The following TTC28 variants were observed in gnomAD, a reference collection of about 807,000 sequenced individuals.
TTC28 encodes tetratricopeptide repeat domain 28.
TTC28 carries 61 observed loss-of-function variants against 198.0 expected under a neutral mutation model. That is an observed-to-expected ratio of 0.31 (90% CI 0.25 to 0.38). The LOEUF is 0.38. Ranked by LOEUF, TTC28 falls within the 10% of genes least tolerant of loss-of-function variation. The pLI is 1.00. For missense variants in TTC28, 2,678 were observed against 3,164.0 expected, an observed-to-expected ratio of 0.85 and a Z score of 3.69; for synonymous variants, 1,171 against 1,297.8, an observed-to-expected ratio of 0.90 and a Z score of 2.10.
chr22:28,086,789 G>A (rs976098436), intron 12 of TTC28, among the ~76,000 whole-genome samples: 1 of 151,990 alleles, frequency 6.6e-6, no homozygotes, highest in East Asian at 1.9e-4. Context: ...AGAAAAGAGA[G>A]AAGAATCAAA....
intron 2 of TTC28, among the ~76,000 whole-genome samples, chr22:28,363,206 G>C (rs2046186249): frequency 6.6e-6 from 1 of 152,138 alleles, no homozygotes; most frequent in Admixed American, 6.5e-5. Context: ...GCTGTGTATA[G>C]TCTAGGGACT....
intron 5 of TTC28, among the ~76,000 whole-genome samples, chr22:28,209,483 G>A (rs1405777677): frequency 2.0e-5 from 3 of 152,236 alleles, no homozygotes; most frequent in Non-Finnish European, 4.4e-5. Flanking sequence ...CACACAAGGA[G>A]ATGATATACT....
intron 2 of TTC28, among the ~76,000 whole-genome samples, chr22:28,576,721 A>G (rs2050156799): frequency 2.0e-5 from 3 of 152,020 alleles, no homozygotes; most frequent in Admixed American, 2.0e-4. Flanking sequence ...GGTAGGCTAT[A>G]TGTGTCTAGG....
At chr22:28,641,643 A>G (rs1399668400) in intron 1 of TTC28, among the ~76,000 whole-genome samples, 1 of 152,192 alleles carries the variant, frequency 6.6e-6, no homozygotes, top group African/African-American at 2.4e-5. Context: ...TATACTTTAA[A>G]ATGGTGACTT....
intron 2 of TTC28, among the ~76,000 whole-genome samples, chr22:28,555,701 G>A (rs973981535): frequency 1.1e-4 from 16 of 152,092 alleles, no homozygotes; most frequent in Non-Finnish European, 1.8e-4. Flanking sequence ...GGGAAAGGGT[G>A]GGGGGTGCTG....
intron 5 of TTC28, among the ~76,000 whole-genome samples, chr22:28,287,863 G>A (rs1384806505): frequency 6.6e-6 from 1 of 152,076 alleles, no homozygotes; most frequent in Non-Finnish European, 1.5e-5. Flanking sequence ...TAGAATCAGG[G>A]CAGGGTTAAA....
At chr22:28,593,465 G>C (rs375878194) in intron 2 of TTC28, among the ~76,000 whole-genome samples, 2 of 132,796 alleles carry the variant, frequency 1.5e-5, no homozygotes, top group Admixed American at 7.4e-5. Flanking sequence ...AGATAGGTAG[G>C]TAGCTAGGTA....
intron 2 of TTC28, among the ~76,000 whole-genome samples, chr22:28,577,696 A>G (rs1025251520): frequency 4.0e-5 from 6 of 151,818 alleles, no homozygotes; most frequent in Non-Finnish European, 1.5e-5. Context: ...TGCTGAACTG[A>G]CCTCTTTATT....
At chr22:28,296,064 G>C (rs2044888210) in intron 5 of TTC28, 134 bp downstream of exon 5, 1 of 920,578 alleles carries the variant, frequency 1.1e-6, no homozygotes, top group Non-Finnish European at 1.6e-6. Flanking sequence ...AACAGAATCA[G>C]TAAGTCTCAA....
intron 2 of TTC28, among the ~76,000 whole-genome samples, chr22:28,528,405 T>G (rs1033017800): frequency 2.0e-5 from 3 of 152,034 alleles, no homozygotes; most frequent in Admixed American, 2.0e-4. Flanking sequence ...TAGTAATCCC[T>G]TGAATAGCTT....
At chr22:28,274,670 G>A (rs914259036) in intron 5 of TTC28, among the ~76,000 whole-genome samples, 4 of 152,244 alleles carry the variant, frequency 2.6e-5, no homozygotes, top group Admixed American at 6.5e-5. Flanking sequence ...TTGCCAGATT[G>A]CAGAAAAGAT....
In TTC28 at chr22:28,135,860, TG is replaced by T. The variant is rs536085696; in HGVS notation, c.1441+27231del. Among the ~76,000 whole-genome samples, 323 of 152,290 alleles carry T rather than the reference TG, an allele frequency of 2.1e-3. 2 individuals carry two copies. Among genetic ancestry groups the T allele is most frequent in the African/African-American group, 7.6e-3 (314 of 41,562 alleles). On this transcript the variant is annotated intron_variant, in intron 6 of 22. Transcript: ENST00000397906. ...AAATCTTAGAAACACAGTAGATATA[TG>T]AAATTAATACAAAAATATCCAAAAT...
chr22:28,060,091 A>T (rs1333667896), intron 12 of TTC28, among the ~76,000 whole-genome samples: 1 of 151,254 alleles, frequency 6.6e-6, no homozygotes, highest in African/African-American at 2.4e-5. Context: ...TTTTTTTTTT[A>T]AAAAGATCCT....
intron 1 of TTC28, among the ~76,000 whole-genome samples, chr22:28,641,732 T>C (rs1292124852): frequency 6.6e-6 from 1 of 151,850 alleles, no homozygotes; most frequent in Non-Finnish European, 1.5e-5. Flanking sequence ...CTAAAAGAAA[T>C]ATTAAAGAAA....
At chr22:28,263,351 ACT>A (rs1359412258) in intron 5 of TTC28, among the ~76,000 whole-genome samples, 1 of 151,988 alleles carries the variant, frequency 6.6e-6, no homozygotes, top group East Asian at 1.9e-4. Context: ...AAACAGTAAA[ACT>A]CTATTGCATT....
chr22:28,659,479 G>T (rs1045519372), intron 1 of TTC28, among the ~76,000 whole-genome samples: 1 of 152,044 alleles, frequency 6.6e-6, no homozygotes, highest in African/African-American at 2.4e-5. Context: ...AGTTGGCCAG[G>T]CTAGTCTCAA....
chr22:28,439,312 A>C (rs2047576465), intron 2 of TTC28, among the ~76,000 whole-genome samples: 1 of 152,206 alleles, frequency 6.6e-6, no homozygotes. Context: ...AAGAATTCAG[A>C]GGTGGGTAAA....
In TTC28 at chr22:27,982,861, C is replaced by G. The variant is rs745766686; in HGVS notation, c.6806G>C (p.Arg2269Pro). 9 of 1,546,154 alleles carry G rather than the reference C, an allele frequency of 5.8e-6. No individual in the cohort carries two copies. The highest frequency in any genetic ancestry group is 7.9e-6 in the Non-Finnish European group (9 of 1,143,404). The change falls in exon 23 of 23, where the codon CGG becomes CCG. Residue 2269 changes from arginine (R) to proline (P), a missense_variant. By Grantham distance (103) the Arg-to-Pro change is moderately radical. This residue lies in a region of TTC28 where 622 missense variants were observed against 656.0 expected (regional missense o/e 0.95). Transcript: ENST00000397906. The surrounding 1 kb of genome is among the most constrained non-coding windows in gnomAD (Gnocchi z 5.2). ...CTGTGAGTCGCAGCCGGGCGATGGC[C>G]GGCCACTGTGCTGGCTCGGGCTGTC... ...IKDSPSQHSG[R>P]PSPGCDSQTS... is the part of the protein sequence containing the mutation.
At chr22:28,607,147 G>A (rs1002808573) in intron 2 of TTC28, among the ~76,000 whole-genome samples, 3 of 152,072 alleles carry the variant, frequency 2.0e-5, no homozygotes, top group East Asian at 1.9e-4. Context: ...TACCTGCATC[G>A]TCCTGTCACA....
Sources: gnomAD v4.1 joint callset for allele counts (sites outside exome capture counted in the v4.1 genomes callset) on GRCh38, gnomAD v4.1.1 for gene constraint, gnomAD v4.1.1 regional missense constraint, Gnocchi (gnomAD v3.1) non-coding constraint, MANE v1.5 for transcripts, NCBI Gene and HGNC (gene_info 2026-07-23, HGNC 2026-07-21) for gene names.